Variants in ZFYVE9 observed in about 807,000 individuals in gnomAD.
The protein encoded by ZFYVE9 is zinc finger FYVE domain-containing protein 9.
ZFYVE9 carries 43 observed loss-of-function variants against 126.7 expected under a neutral mutation model. The observed-to-expected ratio is 0.34, with a 90% CI of 0.27 to 0.44. The LOEUF (loss-of-function observed/expected upper bound fraction) is 0.44, where lower values mean the gene tolerates loss of function less well. Ranked by LOEUF, ZFYVE9 falls within the 20% of genes least tolerant of loss-of-function variation. The pLI is 1.00. For synonymous variants in ZFYVE9, 521 were observed against 597.4 expected, an observed-to-expected ratio of 0.87 and a Z score of 1.87; for missense variants, 1,476 against 1,697.0, an observed-to-expected ratio of 0.87 and a Z score of 2.29.
intron 2 of ZFYVE9, among the ~76,000 whole-genome samples, chr1:52,232,457 C>A (rs1645232158): frequency 6.6e-6 from 1 of 151,990 alleles, no homozygotes; most frequent in African/African-American, 2.4e-5. Context: ...GGGCCAAGTG[C>A]ATGGCTCATG....
At chr1:52,237,369 G>C (rs943688903) in intron 3 of ZFYVE9, 119 bp from the exon 4 acceptor site, 1 of 945,368 alleles carries the variant, frequency 1.1e-6, no homozygotes, top group African/African-American at 1.7e-5. Flanking sequence ...CCCCGAATTA[G>C]AAATCTAATA....
At chr1:52,177,447 A>G (rs747356628) in intron 1 of ZFYVE9, among the ~76,000 whole-genome samples, 1 of 152,158 alleles carries the variant, frequency 6.6e-6, no homozygotes, top group Non-Finnish European at 1.5e-5. Flanking sequence ...CACCTGGCCC[A>G]AGTCTGATGT....
intron 1 of ZFYVE9, among the ~76,000 whole-genome samples, chr1:52,181,775 A>T (rs1557442305): frequency 7.0e-6 from 1 of 143,106 alleles, no homozygotes; most frequent in Non-Finnish European, 1.5e-5. Context: ...CCTGGCTGCG[A>T]CCCCGTCTGG....
At chr1:52,324,841 CTTATT>C (rs1282093285) in intron 13 of ZFYVE9, among the ~76,000 whole-genome samples, 7 of 152,146 alleles carry the variant, frequency 4.6e-5, no homozygotes, top group African/African-American at 1.7e-4. Context: ...ATCACTAAAA[CTTATT>C]TTATTTGGCC....
chr1:52,255,022 G>C (rs545823740), intron 4 of ZFYVE9, among the ~76,000 whole-genome samples: 1 of 151,660 alleles, frequency 6.6e-6, no homozygotes, highest in South Asian at 2.1e-4. Context: ...AACCCAGGAG[G>C]TCGAGGCTGC....
intron 10 of ZFYVE9, among the ~76,000 whole-genome samples, chr1:52,291,174 C>G (rs59748975): frequency 0.039 from 5,881 of 152,196 alleles, 294 homozygotes; most frequent in African/African-American, 0.12. Flanking sequence ...ACCTTAAATG[C>G]AAAATATAGA....
chr1:52,300,691 T>G (rs1428336347), intron 12 of ZFYVE9, among the ~76,000 whole-genome samples: 2 of 150,944 alleles, frequency 1.3e-5, no homozygotes, highest in Admixed American at 1.3e-4. Context: ...CTGGTGTCAT[T>G]TTCCTTCTGC....
chr1:52,203,783 G>T (rs1644947898), intron 1 of ZFYVE9, among the ~76,000 whole-genome samples: 1 of 151,536 alleles, frequency 6.6e-6, no homozygotes, highest in South Asian at 2.1e-4. Flanking sequence ...TTCAGGTTTG[G>T]AGGTTTCTGT....
At chr1:52,185,904 G>A (rs1644760731) in intron 1 of ZFYVE9, among the ~76,000 whole-genome samples, 1 of 144,420 alleles carries the variant, frequency 6.9e-6, no homozygotes, top group Non-Finnish European at 1.5e-5. Flanking sequence ...TGGGGACAGA[G>A]TGAGACTCCG....
At chr1:52,298,388 C>T (rs146723962) in intron 12 of ZFYVE9, among the ~76,000 whole-genome samples, 21 of 152,260 alleles carry the variant, frequency 1.4e-4, no homozygotes, top group African/African-American at 5.1e-4. Context: ...TTTCCAAGTA[C>T]TATTTATTGA....
intron 1 of ZFYVE9, among the ~76,000 whole-genome samples, chr1:52,171,462 G>C (rs147499881): frequency 0.039 from 5,938 of 152,216 alleles, 160 homozygotes; most frequent in South Asian, 0.075. Context: ...ATAAACATAC[G>C]TGTGCATGTG....
intron 7 of ZFYVE9, 123 bp from the exon 8 acceptor site, chr1:52,274,341 T>C (rs1260632177): frequency 3.3e-6 from 4 of 1,220,446 alleles, no homozygotes; most frequent in Non-Finnish European, 4.5e-6. Flanking sequence ...GAATATTTTG[T>C]GCTACCTTTC....
At chr1:52,332,636 T>C (rs1646352797) in intron 13 of ZFYVE9, 132 bp from the exon 14 acceptor site, 1 of 1,056,404 alleles carries the variant, frequency 9.5e-7, no homozygotes. Flanking sequence ...TTTGTTTCAT[T>C]ATTTGGTGGC....
At chr1:52,186,804 T>C (rs1379109254) in intron 1 of ZFYVE9, among the ~76,000 whole-genome samples, 3 of 151,998 alleles carry the variant, frequency 2.0e-5, no homozygotes, top group Admixed American at 2.0e-4. Context: ...AAAATATTGC[T>C]CAAAGAAATC....
chr1:52,300,565 TG>T (rs1266334053), intron 12 of ZFYVE9, among the ~76,000 whole-genome samples: 4 of 151,266 alleles, frequency 2.6e-5, no homozygotes, highest in East Asian at 3.9e-4. Flanking sequence ...CATTCCAGCC[TG>T]GGCGACAGAG....
chr1:52,280,312 G>T (rs955978725), intron 9 of ZFYVE9, among the ~76,000 whole-genome samples: 1 of 151,318 alleles, frequency 6.6e-6, no homozygotes, highest in Admixed American at 6.6e-5. Context: ...CCCAGGAGAC[G>T]GAGGTTGCAG....
chr1:52,186,887 A>G (rs1202504055), intron 1 of ZFYVE9, among the ~76,000 whole-genome samples: 1 of 152,208 alleles, frequency 6.6e-6, no homozygotes, highest in African/African-American at 2.4e-5. Context: ...TAAAATGGCC[A>G]TACTGTCCAA....
rs779058638 is a variant in ZFYVE9, at chr1:52,293,492, A to G, written c.3065A>G (p.Gln1022Arg). 5.0e-6 allele frequency: 8 copies of G among 1,613,916 alleles called. No homozygotes were observed. Among genetic ancestry groups the G allele is most frequent in the Non-Finnish European group, 6.8e-6 (8 of 1,180,006 alleles). ...VSNLGHSFFS[Q>R]SFLGSKEHGG... ...AACTTGGGACATTCCTTCTTCAGTC[A>G]AAGTTTCCTTGGCAGTAAAGAACAT... Residue 1022 changes from glutamine to arginine, a missense_variant, in exon 11 of 19, where the codon CAA becomes CGA. Coordinates refer to ENST00000287727, the MANE Select transcript of ZFYVE9 (RefSeq NM_004799.4).
chr1:52,173,828 C>A (rs1017448045), intron 1 of ZFYVE9, among the ~76,000 whole-genome samples: 1 of 152,022 alleles, frequency 6.6e-6, no homozygotes, highest in Non-Finnish European at 1.5e-5. Context: ...AGTTTGTATT[C>A]CTGTGAGATC....
Sources: allele counts gnomAD v4.1 joint callset (sites outside exome capture counted in the v4.1 genomes callset), GRCh38; gene constraint gnomAD v4.1.1; transcripts MANE v1.5; gene names NCBI Gene and HGNC (gene_info 2026-07-23, HGNC 2026-07-21).